Variants in IFT140 observed in about 807,000 individuals in gnomAD.
IFT140 encodes intraflagellar transport protein 140 homolog.
Under a neutral mutation model 164.6 loss-of-function variants are expected in IFT140, and 133 were observed. That is an observed-to-expected ratio of 0.81 (90% CI 0.70 to 0.93). The LOEUF (loss-of-function observed/expected upper bound fraction) is 0.93, where lower values mean the gene tolerates loss of function less well. IFT140 is among the 40% of genes least tolerant of loss of function. IFT140 has a pLI of 0.00. For missense variants in IFT140, 2,045 were observed against 1,972.3 expected (o/e 1.04, Z -0.70); for synonymous variants, 860 against 817.3 (o/e 1.05, Z -0.89).
chr16:1,524,067 C>A (rs989065005), intron 24 of IFT140, 111 bp from the exon 25 acceptor site: 15 of 1,356,244 alleles, frequency 1.1e-5, no homozygotes, highest in Non-Finnish European at 1.5e-5. Context: ...TGACACACTG[C>A]TCAGCGATCT....
chr16:1,523,058 G>C (rs577548990), intron 26 of IFT140, among the ~76,000 whole-genome samples: 2 of 151,192 alleles, frequency 1.3e-5, no homozygotes, highest in Non-Finnish European at 2.9e-5. Flanking sequence ...CTGAGTCTAT[G>C]AAAAAAAATT....
rs963536261 is a variant in IFT140 at position 1,554,116 on chromosome 16, C to G, written c.2399+3819G>C. 3.1e-6 allele frequency: 4 copies of G among 1,287,004 alleles called. No homozygotes were observed. The Admixed American group carries it at 6.9e-5, about 22-fold the overall frequency. 79.7% of individuals were successfully genotyped at this position (1,287,004 alleles called of 1,614,324 possible). On this transcript the variant is annotated intron_variant, in intron 19 of 30. Transcript: ENST00000426508. ...GGGTCTAGAACGAGAAGCACTGACT[C>G]GGAAGTGAGGGAAGACACCAGATAT...
intron 19 of IFT140, chr16:1,555,092 C>A: frequency 6.5e-7 from 1 of 1,538,792 alleles, no homozygotes; most frequent in Non-Finnish European, 8.7e-7. Flanking sequence ...AACCAAGGGA[C>A]TCCACCACCA....
rs1457067377 is a variant in IFT140 at position 1,602,380 on chromosome 16, G to C, written c.359C>G (p.Ser120Cys). The change falls in exon 4 of 31, where the codon TCT becomes TGT. Residue 120 changes from serine (S) to cysteine (C), a missense_variant. Coordinates refer to ENST00000426508, the MANE Select transcript of IFT140 (RefSeq NM_014714.4). ...CGCGTGTTGACTCACCCTGTCCCCA[G>C]ACAGCAGGCAGTTTCCACTGGGGCT... ...RWSPSGNCLL[S>C]GDRLGVLLLW... 14 of 1,614,150 alleles carry C rather than the reference G, an allele frequency of 8.7e-6. No individual in the cohort carries two copies. In the East Asian group the frequency reaches 3.1e-4, roughly 36 times the overall value.
intron 3 of IFT140, among the ~76,000 whole-genome samples, chr16:1,605,637 C>T (rs969836559): frequency 6.6e-6 from 1 of 152,020 alleles, no homozygotes; most frequent in Non-Finnish European, 1.5e-5. Flanking sequence ...ATCTCCTGAC[C>T]TCATGATCCA....
At chr16:1,545,920 C>T (rs2032132879) in intron 19 of IFT140, among the ~76,000 whole-genome samples, 1 of 152,196 alleles carries the variant, frequency 6.6e-6, no homozygotes, top group African/African-American at 2.4e-5. Context: ...GCTCTGACAC[C>T]CAGAGAGAGC....
At chr16:1,565,456 C>T (rs1226924970) in intron 16 of IFT140, among the ~76,000 whole-genome samples, 1 of 151,620 alleles carries the variant, frequency 6.6e-6, no homozygotes, top group Non-Finnish European at 1.5e-5. Context: ...AGGGGGAATC[C>T]AGGGGGGCTG....
intron 30 of IFT140, among the ~76,000 whole-genome samples, chr16:1,516,346 G>A (rs1209843237): frequency 2.6e-5 from 4 of 152,048 alleles, no homozygotes; most frequent in Non-Finnish European, 5.9e-5. Context: ...GGACACGGGT[G>A]GGAAATGGAC....
chr16:1,515,531 C>T (rs1371048341), intron 30 of IFT140, among the ~76,000 whole-genome samples: 1 of 152,110 alleles, frequency 6.6e-6, no homozygotes, highest in East Asian at 1.9e-4. Context: ...CTCAGCCTCC[C>T]AAGCAGCCAA....
intron 19 of IFT140, chr16:1,554,026 C>T (rs2032890836): frequency 7.8e-7 from 1 of 1,287,246 alleles, no homozygotes; most frequent in Non-Finnish European, 1.0e-6. Flanking sequence ...ACCTCTCCTT[C>T]TCTGGTTTCA....
At chr16:1,541,833 A>G (rs2031670600) in intron 19 of IFT140, 2 of 1,453,668 alleles carry the variant, frequency 1.4e-6, no homozygotes, top group African/African-American at 2.9e-5. Flanking sequence ...TTCCGAGGCA[A>G]ACAGAGACCA....
chr16:1,584,612 A>G (rs1320570410), intron 10 of IFT140, among the ~76,000 whole-genome samples, 192 bp from the exon 11 acceptor site: 1 of 152,220 alleles, frequency 6.6e-6, no homozygotes, highest in Non-Finnish European at 1.5e-5. Context: ...CTGTGTAGAA[A>G]GACTTCAAGA....
chr16:1,563,412 C>T (rs891084761), intron 17 of IFT140, among the ~76,000 whole-genome samples: 1 of 150,662 alleles, frequency 6.6e-6, no homozygotes, highest in Non-Finnish European at 1.5e-5. Flanking sequence ...GAGATTGCAC[C>T]ACTGCACTCC....
At chr16:1,560,027 T>C (rs2033318983) in intron 18 of IFT140, among the ~76,000 whole-genome samples, 1 of 152,112 alleles carries the variant, frequency 6.6e-6, no homozygotes. Context: ...GCAAAATTAA[T>C]GGGGAAAAAC....
intron 12 of IFT140, among the ~76,000 whole-genome samples, chr16:1,582,702 G>A (rs1247049855): frequency 4.6e-5 from 7 of 152,250 alleles, no homozygotes; most frequent in Non-Finnish European, 8.8e-5. Context: ...TCAGGAGTTC[G>A]AGACCAGCCT....
rs1389452888 is a variant in IFT140 at position 1,551,931 on chromosome 16, C to T, written c.2399+6004G>A. Among the ~76,000 whole-genome samples the T allele has an allele frequency of 2.0e-5, 3 of 152,084 alleles. No individual in the cohort carries two copies. The highest frequency in any genetic ancestry group is 6.5e-5 in the Admixed American group (1 of 15,280). On this transcript the variant is annotated intron_variant, in intron 19 of 30. Transcript: ENST00000426508. This position sits in a 1 kb window ranked among gnomAD's most constrained non-coding sequence, Gnocchi z 4.0. Reference sequence around the variant, plus strand: ...CCGGGTGTGTCCCTGGTGATGTCCCCGGGGCCTCTCCCTGGTGACGTGTGG... The same window carrying T: ...CCGGGTGTGTCCCTGGTGATGTCCCTGGGGCCTCTCCCTGGTGACGTGTGG...
At chr16:1,596,220 C>T (rs1369026322) in intron 4 of IFT140, among the ~76,000 whole-genome samples, 2 of 151,736 alleles carry the variant, frequency 1.3e-5, no homozygotes, top group African/African-American at 4.8e-5. Flanking sequence ...AGCCTCCTCC[C>T]TGGAGCCGAG....
intron 19 of IFT140, among the ~76,000 whole-genome samples, chr16:1,542,239 C>T (rs371594237): frequency 1.2e-4 from 19 of 152,376 alleles, no homozygotes; most frequent in Admixed American, 1.1e-3. Context: ...TCCTCCCTCC[C>T]TCTTGCTGTA....
intron 13 of IFT140, among the ~76,000 whole-genome samples, chr16:1,572,417 C>T (rs951251487): frequency 2.7e-4 from 41 of 152,200 alleles, no homozygotes; most frequent in African/African-American, 9.6e-4. Context: ...GAGGCCAAGG[C>T]GCGTGGATCA....
Sources: gnomAD v4.1 joint callset for allele counts (sites outside exome capture counted in the v4.1 genomes callset) on GRCh38, gnomAD v4.1.1 for gene constraint, Gnocchi (gnomAD v3.1) non-coding constraint, MANE v1.5 for transcripts, NCBI Gene and HGNC (gene_info 2026-07-23, HGNC 2026-07-21) for gene names.